Variants in HMCN1 observed in about 807,000 individuals in gnomAD.
HMCN1 encodes the protein hemicentin 1, also known as hemicentin-1.
Under a neutral mutation model 625.9 loss-of-function variants are expected in HMCN1, and 321 were observed. The ratio of observed to expected loss-of-function variants is 0.51; its 90% CI spans 0.47 to 0.56. The LOEUF (loss-of-function observed/expected upper bound fraction) is 0.56, where lower values mean the gene tolerates loss of function less well. Among genes scored for constraint, HMCN1 ranks in the 20% least tolerant of loss-of-function variants. HMCN1 has a pLI of 0.00. For missense variants in HMCN1, 6,588 were observed against 6,887.3 expected (o/e 0.96, Z 1.54); for synonymous variants, 2,425 against 2,417.6 (o/e 1.00, Z -0.09).
intron 43 of HMCN1, 76 bp downstream of exon 43, chr1:186,053,150 T>C: frequency 7.2e-7 from 1 of 1,395,878 alleles, no homozygotes; most frequent in Admixed American, 1.7e-5. Context: ...ATAAATGTGT[T>C]AGATTATAAA....
chr1:185,982,179 A>G (rs1651688585), intron 17 of HMCN1, 83 bp from the exon 18 acceptor site: 1 of 1,314,620 alleles, frequency 7.6e-7, no homozygotes, highest in African/African-American at 1.5e-5. Context: ...AGCATAACTA[A>G]CAGTCTTTGG....
intron 104 of HMCN1, 31 bp from the exon 105 acceptor site, chr1:186,182,137 A>G (rs1274475971): frequency 1.2e-6 from 2 of 1,611,596 alleles, no homozygotes; most frequent in South Asian, 2.2e-5. Context: ...TTTCTTGTGT[A>G]GTGATAACTC....
chr1:185,912,681 C>T (rs769410704), intron 6 of HMCN1, among the ~76,000 whole-genome samples: 5 of 151,994 alleles, frequency 3.3e-5, no homozygotes, highest in South Asian at 2.1e-4. Context: ...TAACACCCCT[C>T]GGGAGCAGCT....
At chr1:185,810,102 A>G (rs1352709088) in intron 1 of HMCN1, among the ~76,000 whole-genome samples, 1 of 152,128 alleles carries the variant, frequency 6.6e-6, no homozygotes, top group Non-Finnish European at 1.5e-5. Flanking sequence ...ATATCTCTAC[A>G]AAACAGGAGA....
intron 55 of HMCN1, among the ~76,000 whole-genome samples, chr1:186,079,089 T>C (rs1023798258): frequency 2.0e-5 from 3 of 151,780 alleles, no homozygotes; most frequent in Non-Finnish European, 4.4e-5. Context: ...CCAGCTCTAG[T>C]TGTGTTTAGC....
chr1:185,978,444 A>G (rs1469925750), intron 16 of HMCN1, among the ~76,000 whole-genome samples: 1 of 152,088 alleles, frequency 6.6e-6, no homozygotes, highest in African/African-American at 2.4e-5. Flanking sequence ...GATCCCTGCC[A>G]CCCCCACAAA....
chr1:185,894,558 A>G (rs1178137741), intron 4 of HMCN1, among the ~76,000 whole-genome samples: 2 of 152,220 alleles, frequency 1.3e-5, no homozygotes, highest in Admixed American at 6.5e-5. Context: ...CATCCTTAGC[A>G]GATGCCATGT....
chr1:185,981,192 A>C (rs1571657141), intron 17 of HMCN1, 119 bp downstream of exon 17: 5 of 705,392 alleles, frequency 7.1e-6, no homozygotes, highest in Non-Finnish European at 2.6e-6. Flanking sequence ...TAATTACTAG[A>C]CCAGCCTTCC....
At chr1:185,840,073 A>G (rs1038580056) in intron 1 of HMCN1, among the ~76,000 whole-genome samples, 2 of 152,184 alleles carry the variant, frequency 1.3e-5, no homozygotes, top group African/African-American at 4.8e-5. Context: ...AATATACTTG[A>G]CATTAGCTCA....
Position 186,052,966 on chromosome 1 carries a change from G to A in HMCN1, c.6592G>A (p.Gly2198Ser). ...TTTTTTTCTAGTCCCCCCAAATATT[G>A]GTGGTTCTGATGAACTTACTCAACT... ...NVNIWVPPNI[G>S]GSDELTQLTV... Residue 2198 changes from glycine to serine, a missense_variant, in exon 43 of 107, where the codon GGT becomes AGT. This residue lies in a region of HMCN1 where 4,628 missense variants were observed against 4,853.1 expected (regional missense o/e 0.95). Transcript: ENST00000271588. 1 of 1,604,200 alleles carries A rather than the reference G, an allele frequency of 6.2e-7. No individual in the cohort carries two copies.
At chr1:186,115,236 T>C in intron 74 of HMCN1, 22 bp from the exon 75 acceptor site, 1 of 1,613,694 alleles carries the variant, frequency 6.2e-7, no homozygotes, top group Non-Finnish European at 8.5e-7. Context: ...TGTTTCCTTC[T>C]TATTTGGTGA....
intron 6 of HMCN1, among the ~76,000 whole-genome samples, chr1:185,913,491 A>G (rs1666538190): frequency 6.6e-6 from 1 of 152,180 alleles, no homozygotes; most frequent in Non-Finnish European, 1.5e-5. Context: ...CAAATACTTT[A>G]ATTTAAGCAT....
At chr1:186,007,694 C>A (rs1424015010) in intron 30 of HMCN1, among the ~76,000 whole-genome samples, 1 of 152,208 alleles carries the variant, frequency 6.6e-6, no homozygotes, top group Non-Finnish European at 1.5e-5. Flanking sequence ...TGGCCGTTAT[C>A]CTGACCATGT....
Position 186,145,528 on chromosome 1 carries a change from G to A in HMCN1, c.14392G>A (p.Gly4798Arg). 1 of 1,614,064 alleles carries A rather than the reference G, an allele frequency of 6.2e-7. No homozygotes were observed. Among genetic ancestry groups the A allele is most frequent in the South Asian group, 1.1e-5 (1 of 91,078 alleles). Residue 4798 changes from glycine (G) to arginine (R), a missense_variant, in exon 92 of 107, where the codon GGA (glycine) becomes AGA (arginine). Transcript: ENST00000271588. ...PPSNGGRACG[G>R]PDSQIQRCNT... is the part of the protein sequence containing the mutation. ...CTCCAATGGGGGAAGAGCTTGTGGG[G>A]GACCAGACTCCCAGATCCAGAGGTG... is the stretch of plus-strand genomic sequence containing the variant.
rs548649714 is a variant in HMCN1 at position 185,910,606 on chromosome 1, T to A, written c.794-1068T>A. Among the ~76,000 whole-genome samples, 7 of 151,364 alleles carry A rather than the reference T, an allele frequency of 4.6e-5. No homozygotes were observed. In the South Asian group the frequency reaches 1.3e-3, roughly 27 times the overall value. On this transcript the variant is annotated intron_variant, in intron 5 of 106. Transcript: ENST00000271588. ...TTTTTTTTGACATGGAGTCTTGCTC[T>A]GTCACCCAGGCTGAAGTGCAGTAGC...
intron 11 of HMCN1, among the ~76,000 whole-genome samples, chr1:185,937,874 C>G (rs1235390686): frequency 6.9e-6 from 1 of 144,380 alleles, no homozygotes; most frequent in Admixed American, 6.9e-5. Flanking sequence ...GAGCGAGACT[C>G]CATCTCAAAA....
chr1:185,743,693 C>T (rs1654149203), intron 1 of HMCN1, among the ~76,000 whole-genome samples: 1 of 152,212 alleles, frequency 6.6e-6, no homozygotes, highest in South Asian at 2.1e-4. Context: ...GTCTTCATCA[C>T]TGTGGAGAAT....
chr1:185,982,517 C>T (rs902436265), intron 18 of HMCN1, 128 bp downstream of exon 18: 27 of 830,552 alleles, frequency 3.3e-5, no homozygotes, highest in South Asian at 9.3e-5. Context: ...CTAGGCTCAC[C>T]GCAACCTCTG....
rs548755997 is a variant in HMCN1 at position 186,040,015 on chromosome 1, A to G, written c.6180+136A>G. 1.1e-5 allele frequency: 9 copies of G among 840,144 alleles called. No individual in the cohort carries two copies. In the Admixed American group the frequency reaches 1.4e-4, roughly 13 times the overall value. 52.0% of individuals were successfully genotyped at this position (840,144 alleles called of 1,614,324 possible). ...ATTTTTTAAATACACATATGCAACC[A>G]TAAACACCATGGACACATAACTGGG... is the stretch of plus-strand genomic sequence containing the variant. On this transcript the variant is annotated intron_variant, in intron 39 of 106. Coordinates refer to ENST00000271588, the MANE Select transcript of HMCN1 (RefSeq NM_031935.3).
Sources: allele counts gnomAD v4.1 joint callset (sites outside exome capture counted in the v4.1 genomes callset), GRCh38; gene constraint gnomAD v4.1.1; regional missense constraint gnomAD v4.1.1; transcripts MANE v1.5; gene names NCBI Gene and HGNC (gene_info 2026-07-23, HGNC 2026-07-21).